GPR39: variants seen among roughly 807,000 people sequenced by gnomAD.
GPR39 encodes zinc sensing receptor.
GPR39 carries 23 observed loss-of-function variants against 18.4 expected under a neutral mutation model. The ratio of observed to expected loss-of-function variants is 1.25; its 90% confidence interval spans 0.90 to 1.77. GPR39 has a LOEUF of 1.77. GPR39 is among the 40% of genes most tolerant of loss of function. The pLI, the probability that GPR39 is intolerant of heterozygous loss-of-function variation, is 0.00. For missense variants in GPR39, 647 were observed against 602.4 expected (o/e 1.07, Z -0.78); for synonymous variants, 280 against 257.9 (o/e 1.09, Z -0.82).
At chr2:132,586,511 A>G (rs1463892701) in intron 1 of GPR39, among the ~76,000 whole-genome samples, 2 of 152,160 alleles carry the variant, frequency 1.3e-5, no homozygotes, top group East Asian at 1.9e-4. Flanking sequence ...ATGTACCCAA[A>G]TGAGACACCC....
intron 1 of GPR39, among the ~76,000 whole-genome samples, chr2:132,605,116 A>T (rs1681110896): frequency 6.6e-6 from 1 of 152,212 alleles, no homozygotes; most frequent in Non-Finnish European, 1.5e-5. Context: ...GTCACATAAG[A>T]TAAATGGTAG....
chr2:132,553,896 C>T (rs1476461946), intron 1 of GPR39, among the ~76,000 whole-genome samples: 1 of 151,954 alleles, frequency 6.6e-6, no homozygotes, highest in Non-Finnish European at 1.5e-5. Context: ...GGCTGGTGGT[C>T]CCTGATGGCA....
chr2:132,547,741 A>G (rs546482329), intron 1 of GPR39, among the ~76,000 whole-genome samples: 1 of 152,300 alleles, frequency 6.6e-6, no homozygotes, highest in African/African-American at 2.4e-5. Flanking sequence ...TTATTTGCTG[A>G]TCCATTTTAA....
At chr2:132,633,786 T>A (rs1227766406) in intron 1 of GPR39, among the ~76,000 whole-genome samples, 21 of 151,984 alleles carry the variant, frequency 1.4e-4, no homozygotes, top group Admixed American at 1.4e-3. Flanking sequence ...GTGGAAGTCA[T>A]GGTAGAGATG....
chr2:132,534,491 A>G (rs1020999708), intron 1 of GPR39, among the ~76,000 whole-genome samples: 4 of 147,432 alleles, frequency 2.7e-5, no homozygotes, highest in East Asian at 4.6e-4. Context: ...ATTACTGGGT[A>G]TATAACCAAA....
intron 1 of GPR39, chr2:132,488,647 T>A (rs1681392185): frequency 6.6e-6 from 1 of 152,490 alleles, no homozygotes; most frequent in South Asian, 2.1e-4. Flanking sequence ...GCATCAGGGC[T>A]GGTACTTGAA....
chr2:132,608,218 C>T (rs1365829085), intron 1 of GPR39, among the ~76,000 whole-genome samples: 3 of 152,140 alleles, frequency 2.0e-5, no homozygotes, highest in South Asian at 2.1e-4. Context: ...TAATGACAAG[C>T]GCAATAATAA....
At chr2:132,453,620 A>G (rs1680667940) in intron 1 of GPR39, among the ~76,000 whole-genome samples, 1 of 152,144 alleles carries the variant, frequency 6.6e-6, no homozygotes, top group Admixed American at 6.5e-5. Context: ...TAGGTCTAAC[A>G]TTTAAGTCTT....
At chr2:132,552,604 A>T (rs1680063190) in intron 1 of GPR39, among the ~76,000 whole-genome samples, 1 of 152,132 alleles carries the variant, frequency 6.6e-6, no homozygotes, top group Admixed American at 6.6e-5. Flanking sequence ...TCTAGAGATT[A>T]TTTAAAATAT....
chr2:132,573,760 T>C (rs1291661327), intron 1 of GPR39, among the ~76,000 whole-genome samples: 1 of 152,114 alleles, frequency 6.6e-6, no homozygotes, highest in Non-Finnish European at 1.5e-5. Context: ...TGAATGCGAA[T>C]GTCAGCTGCC....
At chr2:132,634,635 C>T (rs1433149934) in intron 1 of GPR39, among the ~76,000 whole-genome samples, 1 of 152,218 alleles carries the variant, frequency 6.6e-6, no homozygotes, top group South Asian at 2.1e-4. Context: ...CTGCACACGT[C>T]CTCTAAGTAC....
At position 132,475,793 on chromosome 2, in the gene GPR39, C is replaced by A. The variant is rs190130879; in HGVS notation, c.856+57895C>A. ...AGAATCTTTGCACTTTTAGAATATG[C>A]CTGAAGCCAGCAATTAGCTGGCTTG... On this transcript the variant is annotated intron_variant, in intron 1 of 1. Transcript: ENST00000329321. Among the ~76,000 whole-genome samples, 35 of 152,250 alleles carry A rather than the reference C, an allele frequency of 2.3e-4. No individual in the cohort carries two copies. The East Asian group carries it at 6.6e-3, about 29-fold the overall frequency.
At chr2:132,635,202 A>T (rs1327021113) in intron 1 of GPR39, among the ~76,000 whole-genome samples, 2 of 152,104 alleles carry the variant, frequency 1.3e-5, no homozygotes, top group Non-Finnish European at 2.9e-5. Context: ...CTTCAAATGG[A>T]TTCCATAGAG....
intron 1 of GPR39, among the ~76,000 whole-genome samples, chr2:132,480,502 G>T (rs1324634122): frequency 6.6e-6 from 1 of 152,150 alleles, no homozygotes; most frequent in Non-Finnish European, 1.5e-5. Context: ...AGAGAAAGTG[G>T]GAAATCAGTT....
chr2:132,523,504 C>T (rs1429197798), intron 1 of GPR39: 1 of 152,118 alleles, frequency 6.6e-6, no homozygotes, highest in East Asian at 1.9e-4. Context: ...CAATCCTAGC[C>T]CTGCCATCCA....
chr2:132,555,609 C>T (rs1680137148), intron 1 of GPR39, among the ~76,000 whole-genome samples: 1 of 152,146 alleles, frequency 6.6e-6, no homozygotes, highest in African/African-American at 2.4e-5. Flanking sequence ...GCTTTGATGC[C>T]TTTGATGATT....
chr2:132,522,663 G>C (rs1251156992), intron 1 of GPR39, among the ~76,000 whole-genome samples: 4 of 152,178 alleles, frequency 2.6e-5, no homozygotes, highest in Non-Finnish European at 5.9e-5. Context: ...TTGGCCCTGG[G>C]TAGTGTGAGC....
At chr2:132,474,475 T>TA (rs1419577149) in intron 1 of GPR39, among the ~76,000 whole-genome samples, 1 of 152,180 alleles carries the variant, frequency 6.6e-6, no homozygotes, top group East Asian at 1.9e-4. Flanking sequence ...TGAGCTGACT[T>TA]ACGTCTGGAA....
chr2:132,570,174 C>T (rs1394178086), intron 1 of GPR39, among the ~76,000 whole-genome samples: 12 of 152,144 alleles, frequency 7.9e-5, no homozygotes. Flanking sequence ...CCAGTGTCTA[C>T]AGTCCTTGTT....
Sources: allele counts gnomAD v4.1 joint callset (sites outside exome capture counted in the v4.1 genomes callset), GRCh38; gene constraint gnomAD v4.1.1; transcripts MANE v1.5; gene names NCBI Gene and HGNC (gene_info 2026-07-23, HGNC 2026-07-21).